The following EXOC4 variants were observed in gnomAD, a reference collection of about 807,000 sequenced individuals.
EXOC4 encodes the protein exocyst complex component 4.
EXOC4 carries 71 observed loss-of-function variants against 107.2 expected under a neutral mutation model. The ratio of observed to expected loss-of-function variants is 0.66; its 90% CI spans 0.55 to 0.81. The LOEUF (loss-of-function observed/expected upper bound fraction) is 0.81, where lower values mean the gene tolerates loss of function less well. Ranked by LOEUF, EXOC4 falls within the 30% of genes least tolerant of loss-of-function variation. The pLI is 0.00. For synonymous variants in EXOC4, 456 were observed against 441.2 expected, an observed-to-expected ratio of 1.03 and a Z score of -0.42; for missense variants, 1,108 against 1,189.6, an observed-to-expected ratio of 0.93 and a Z score of 1.01.
At chr7:133,603,684 C>G (rs1327150992) in intron 9 of EXOC4, among the ~76,000 whole-genome samples, 1 of 152,238 alleles carries the variant, frequency 6.6e-6, no homozygotes, top group Non-Finnish European at 1.5e-5. Flanking sequence ...TGAAAATGGT[C>G]CATCTGTATG....
In EXOC4 at chr7:133,389,595, A is replaced by AG. The variant is rs1554445245; in HGVS notation, c.1182+14594dup. Among the ~76,000 whole-genome samples, 13 of 95,336 alleles carry AG rather than the reference A, an allele frequency of 1.4e-4. 5 individuals are homozygous for AG. Among genetic ancestry groups the AG allele is most frequent in the South Asian group, 1.0e-3 (3 of 2,890 alleles). The allele number at this position is 95,336 out of a possible 152,430, so 62.5% of individuals were successfully genotyped here. A position where few individuals can be genotyped will look rare whatever the true frequency, so the allele number is the denominator to read the frequency against. ...CAAAAAAAAAAAAAAAAAAAAAAAA[A>AG]GAGAGTCTTAAGTCAGGTTGAAGTT... On this transcript the variant is annotated intron_variant, in intron 7 of 17. Transcript: ENST00000253861.
At chr7:133,358,518 C>T (rs1340641924) in intron 6 of EXOC4, among the ~76,000 whole-genome samples, 1 of 152,098 alleles carries the variant, frequency 6.6e-6, no homozygotes, top group Non-Finnish European at 1.5e-5. Flanking sequence ...GAGAATGGTT[C>T]TTTGAACTTT....
Position 133,957,431 on chromosome 7 carries a change from G to A in EXOC4, c.2206+19362G>A, listed in dbSNP as rs190531716. On this transcript the variant is annotated intron_variant, in intron 14 of 17. Transcript: ENST00000253861. ...AAGCACTTACTTTTGAATAACTGTAGTCTTTAGTCTTCAGTAAAATCCTGA... is the reference window on the plus strand; with the variant it reads ...AAGCACTTACTTTTGAATAACTGTAATCTTTAGTCTTCAGTAAAATCCTGA... Among the ~76,000 whole-genome samples, 5 of 152,230 alleles carry A rather than the reference G, an allele frequency of 3.3e-5. No homozygotes were observed. In the East Asian group the frequency reaches 5.8e-4, roughly 18 times the overall value.
At chr7:133,580,247 C>A (rs1298190640) in intron 9 of EXOC4, among the ~76,000 whole-genome samples, 1 of 152,136 alleles carries the variant, frequency 6.6e-6, no homozygotes, top group Non-Finnish European at 1.5e-5. Context: ...ATGGCGTGTA[C>A]ATTATTTGGG....
At chr7:133,604,743 A>G (rs1488672632) in intron 9 of EXOC4, among the ~76,000 whole-genome samples, 1 of 30,488 alleles carries the variant, frequency 3.3e-5, no homozygotes, top group African/African-American at 1.4e-4. Flanking sequence ...TTTTTTTTTG[A>G]GGCAGAGTCT....
At chr7:133,323,119 A>G (rs1282570064) in intron 5 of EXOC4, among the ~76,000 whole-genome samples, 2 of 152,112 alleles carry the variant, frequency 1.3e-5, no homozygotes, top group African/African-American at 2.4e-5. Context: ...GGGCTGAGAC[A>G]GTGGGGTTTT....
intron 7 of EXOC4, among the ~76,000 whole-genome samples, chr7:133,392,700 C>T (rs1335202584): frequency 6.6e-6 from 1 of 152,204 alleles, no homozygotes; most frequent in Non-Finnish European, 1.5e-5. Context: ...AAGAGCTTGA[C>T]TCCTTATGCT....
intron 1 of EXOC4, among the ~76,000 whole-genome samples, chr7:133,270,770 G>T (rs553688714): frequency 6.6e-6 from 1 of 152,198 alleles, no homozygotes; most frequent in Admixed American, 6.5e-5. Flanking sequence ...GACCTGGCTG[G>T]TGGGGTGAGC....
chr7:133,317,615 A>G (rs1584805748), intron 5 of EXOC4, among the ~76,000 whole-genome samples: 1 of 152,104 alleles, frequency 6.6e-6, no homozygotes. Flanking sequence ...TGGCAGCTGA[A>G]CCTGGCCTGC....
chr7:133,375,788 G>A (rs1025238145), intron 7 of EXOC4, among the ~76,000 whole-genome samples: 2 of 152,098 alleles, frequency 1.3e-5, no homozygotes, highest in African/African-American at 4.8e-5. Flanking sequence ...TTGATTTGTT[G>A]AAGATTAGAG....
chr7:133,570,038 C>T (rs2059171336), intron 9 of EXOC4, among the ~76,000 whole-genome samples: 2 of 152,116 alleles, frequency 1.3e-5, no homozygotes, highest in Admixed American at 1.3e-4. Flanking sequence ...GTCAGTGCTG[C>T]CGAAATTGAA....
intron 17 of EXOC4, among the ~76,000 whole-genome samples, chr7:134,016,498 A>G (rs1189799650): frequency 6.6e-6 from 1 of 152,218 alleles, no homozygotes; most frequent in Non-Finnish European, 1.5e-5. Context: ...CCATAAATTG[A>G]TAGAGCATCC....
intron 3 of EXOC4, among the ~76,000 whole-genome samples, chr7:133,303,627 AATAAAACACAGTG>A (rs988726996): frequency 1.3e-4 from 20 of 152,316 alleles, no homozygotes; most frequent in African/African-American, 4.8e-4. Flanking sequence ...AAGGCCAGAA[AATAAAACACAGTG>A]TTTTCTTATA....
intron 10 of EXOC4, among the ~76,000 whole-genome samples, chr7:133,727,087 T>C (rs1357828364): frequency 6.6e-6 from 1 of 152,202 alleles, no homozygotes; most frequent in African/African-American, 2.4e-5. Flanking sequence ...TCAAGCTAAA[T>C]TTTTTCAATT....
In EXOC4 at chr7:133,787,948, C is replaced by CATATATTT. The variant is rs1303023968; in HGVS notation, c.1515-29362_1515-29355dup. Reference sequence around the variant, plus strand: ...GCAACCTAGATACTTCTTCCCTGTGCATATATTTATATATTTATATATATA... The same window carrying CATATATTT: ...GCAACCTAGATACTTCTTCCCTGTGCATATATTTATATATTTATATATTTATATATATA... On this transcript the variant is annotated intron_variant, in intron 10 of 17. Coordinates refer to ENST00000253861, the MANE Select transcript of EXOC4 (RefSeq NM_021807.4). Among the ~76,000 whole-genome samples, 72 of 22,202 alleles carry CATATATTT rather than the reference C, an allele frequency of 3.2e-3. 1 individual carries two copies. The highest frequency in any genetic ancestry group is 5.8e-3 in the Non-Finnish European group (54 of 9,358). The allele number at this position is 22,202 out of a possible 152,430, so 14.6% of individuals were successfully genotyped here.
At chr7:133,959,082 C>A (rs969799563) in intron 14 of EXOC4, among the ~76,000 whole-genome samples, 2 of 152,158 alleles carry the variant, frequency 1.3e-5, no homozygotes, top group Admixed American at 6.6e-5. Flanking sequence ...CCAGCCAGAT[C>A]ACCTACAAAG....
At chr7:133,760,189 C>CA (rs1345221498) in intron 10 of EXOC4, among the ~76,000 whole-genome samples, 4 of 152,092 alleles carry the variant, frequency 2.6e-5, no homozygotes, top group Non-Finnish European at 5.9e-5. Context: ...GAGTCAAAGC[C>CA]AATTTGTTTA....
chr7:133,329,908 A>T (rs1307191971), intron 5 of EXOC4, among the ~76,000 whole-genome samples: 1 of 152,116 alleles, frequency 6.6e-6, no homozygotes. Context: ...GGGGTCAGGG[A>T]CCCACTTGAG....
chr7:133,676,489 T>C (rs751344144), intron 10 of EXOC4, among the ~76,000 whole-genome samples: 3 of 152,166 alleles, frequency 2.0e-5, no homozygotes, highest in Non-Finnish European at 4.4e-5. Context: ...TTCTTCTAAA[T>C]AGTTTGGCTG....
Sources: gnomAD v4.1 joint callset for allele counts (sites outside exome capture counted in the v4.1 genomes callset) on GRCh38, gnomAD v4.1.1 for gene constraint, MANE v1.5 for transcripts, NCBI Gene and HGNC (gene_info 2026-07-23, HGNC 2026-07-21) for gene names.